DPYD: variants seen among roughly 807,000 people sequenced by gnomAD.
The protein encoded by DPYD is dihydropyrimidine dehydrogenase, also known as dihydropyrimidine dehydrogenase [NADP(+)].
A neutral mutation model predicts 116.2 loss-of-function variants in DPYD; 109 were observed. The ratio of observed to expected loss-of-function variants is 0.94; its 90% CI spans 0.80 to 1.10. DPYD has a LOEUF of 1.10. DPYD is among the 50% of genes least tolerant of loss of function. The pLI, the probability that DPYD is intolerant of heterozygous loss-of-function variation, is 0.00. For missense variants in DPYD, 1,302 were observed against 1,254.5 expected (o/e 1.04, Z -0.57); for synonymous variants, 440 against 432.0 (o/e 1.02, Z -0.23).
intron 4 of DPYD, among the ~76,000 whole-genome samples, chr1:97,734,116 A>G (rs866665815): frequency 6.1e-4 from 93 of 152,082 alleles, no homozygotes; most frequent in African/African-American, 1.7e-3. Flanking sequence ...TATTTTTAAA[A>G]TGCAGGTAGT....
intron 8 of DPYD, among the ~76,000 whole-genome samples, chr1:97,634,373 G>A (rs914862957): frequency 6.6e-6 from 1 of 151,990 alleles, no homozygotes; most frequent in Non-Finnish European, 1.5e-5. Flanking sequence ...TTTGAAATAA[G>A]TATGTCAATG....
rs780583368 is a variant in DPYD at position 97,588,368 on chromosome 1, TGCTATTAAAA to T, written c.1128+4840_1128+4849del. 8.0e-4 allele frequency among the ~76,000 whole-genome samples: 121 copies of T among 152,156 alleles called. 2 individuals carry two copies. Among genetic ancestry groups the T allele is most frequent in the Middle Eastern group, 3.2e-3 (1 of 316 alleles). On this transcript the variant is annotated intron_variant, in intron 10 of 22. Coordinates refer to ENST00000370192, the MANE Select transcript of DPYD (RefSeq NM_000110.4). ...GAAATATACTTTGTGTGTGGGATTG[TGCTATTAAAA>T]GTAAATTTGAAACCATCCTCTTCTC...
At chr1:97,726,094 A>C (rs1000236641) in intron 4 of DPYD, among the ~76,000 whole-genome samples, 1 of 151,624 alleles carries the variant, frequency 6.6e-6, no homozygotes, top group Admixed American at 6.6e-5. Flanking sequence ...ATACAAAACT[A>C]GGCAATGACC....
intron 19 of DPYD, among the ~76,000 whole-genome samples, chr1:97,221,172 C>G (rs559473263): frequency 2.6e-5 from 4 of 152,176 alleles, no homozygotes; most frequent in African/African-American, 9.7e-5. Context: ...AAACTACTCA[C>G]AGATAGAGCT....
In DPYD at chr1:97,323,507, C is replaced by T. The variant is rs1482184099; in HGVS notation, c.2059-17210G>A. 5.1e-4 allele frequency among the ~76,000 whole-genome samples: 25 copies of T among 49,360 alleles called. 1 individual carries two copies. The highest frequency in any genetic ancestry group is 1.1e-3 in the African/African-American group (25 of 21,968). 32.4% of individuals were successfully genotyped at this position (49,360 alleles called of 152,430 possible). On this transcript the variant is annotated intron_variant, in intron 16 of 22. Coordinates refer to ENST00000370192, the MANE Select transcript of DPYD (RefSeq NM_000110.4). Reference sequence around the variant, plus strand: ...CACGTATATATACATATCATATGTACATATGTGTATATATACACATATATA... The same window carrying T: ...CACGTATATATACATATCATATGTATATATGTGTATATATACACATATATA...
chr1:97,242,687 G>A (rs989129054), intron 18 of DPYD, among the ~76,000 whole-genome samples: 24 of 151,484 alleles, frequency 1.6e-4, no homozygotes, highest in African/African-American at 5.6e-4. Context: ...TTCACCTTAC[G>A]AGAATAAGCA....
At chr1:97,160,603 G>T (rs1412989521) in intron 20 of DPYD, among the ~76,000 whole-genome samples, 1 of 152,010 alleles carries the variant, frequency 6.6e-6, no homozygotes, top group Non-Finnish European at 1.5e-5. Flanking sequence ...AGTTCCCAGG[G>T]TTTAAAATCA....
intron 20 of DPYD, among the ~76,000 whole-genome samples, chr1:97,121,604 T>C (rs1207218727): frequency 6.6e-6 from 1 of 152,160 alleles, no homozygotes; most frequent in Non-Finnish European, 1.5e-5. Flanking sequence ...GGTTGATGCA[T>C]GTAACAACTC....
At chr1:97,328,870 C>T (rs940315360) in intron 16 of DPYD, among the ~76,000 whole-genome samples, 2 of 152,060 alleles carry the variant, frequency 1.3e-5, no homozygotes, top group African/African-American at 4.8e-5. Context: ...GATTATGTTG[C>T]AATCAATTAT....
chr1:97,835,353 T>C (rs964298538), intron 2 of DPYD, among the ~76,000 whole-genome samples: 1 of 152,082 alleles, frequency 6.6e-6, no homozygotes, highest in Non-Finnish European at 1.5e-5. Flanking sequence ...AATAAAAACA[T>C]GTATGTGAAA....
At chr1:97,617,914 A>G (rs1399331203) in intron 8 of DPYD, among the ~76,000 whole-genome samples, 1 of 152,202 alleles carries the variant, frequency 6.6e-6, no homozygotes, top group Non-Finnish European at 1.5e-5. Context: ...AAAGAAGGAA[A>G]AAGTCTCAAG....
At chr1:97,678,033 G>A (rs1354249250) in intron 8 of DPYD, among the ~76,000 whole-genome samples, 1 of 152,148 alleles carries the variant, frequency 6.6e-6, no homozygotes, top group Non-Finnish European at 1.5e-5. Context: ...TAACACAGTG[G>A]TCCCCAACCT....
chr1:97,825,274 G>A (rs1013684774), intron 3 of DPYD, among the ~76,000 whole-genome samples: 1 of 152,100 alleles, frequency 6.6e-6, no homozygotes, highest in African/African-American at 2.4e-5. Flanking sequence ...TGGCCAGAAA[G>A]AGAGACTGGA....
intron 3 of DPYD, among the ~76,000 whole-genome samples, chr1:97,816,316 A>G (rs1420372812): frequency 6.6e-6 from 1 of 152,126 alleles, no homozygotes; most frequent in Admixed American, 6.6e-5. Context: ...AAAACAAAAA[A>G]CCCTCTTTGT....
intron 20 of DPYD, among the ~76,000 whole-genome samples, chr1:97,136,429 A>T (rs1006961997): frequency 6.6e-6 from 1 of 151,984 alleles, no homozygotes; most frequent in Non-Finnish European, 1.5e-5. Flanking sequence ...ATTCAGTGGC[A>T]CTCTCCTACA....
intron 14 of DPYD, among the ~76,000 whole-genome samples, chr1:97,398,505 C>T (rs1447574627): frequency 6.6e-6 from 1 of 151,662 alleles, no homozygotes; most frequent in Non-Finnish European, 1.5e-5. Context: ...AGTTCTAGAT[C>T]CCTGAGGAAT....
intron 18 of DPYD, among the ~76,000 whole-genome samples, chr1:97,243,063 A>C (rs1277819822): frequency 6.6e-6 from 1 of 151,888 alleles, no homozygotes; most frequent in Non-Finnish European, 1.5e-5. Context: ...AGCAGCTACA[A>C]TGGAACTTCC....
At chr1:97,110,505 C>A (rs1029138878) in intron 20 of DPYD, among the ~76,000 whole-genome samples, 1 of 152,110 alleles carries the variant, frequency 6.6e-6, no homozygotes, top group Non-Finnish European at 1.5e-5. Context: ...AATTCACCCT[C>A]ATTTTTACAT....
rs1663857634 is a variant in DPYD, at chr1:97,735,243, T to TTGTGTTGTCAC, written c.321+5148_321+5149insGTGACAACACA. ...CACAAATGACAGAGTAAAAAAATAA[T>TTGTGTTGTCAC]AATAAAAATTCAATGAACATACAAG... On this transcript the variant is annotated intron_variant, in intron 4 of 22. Coordinates refer to ENST00000370192, the MANE Select transcript of DPYD (RefSeq NM_000110.4). Among the ~76,000 whole-genome samples, 4 of 151,954 alleles carry TTGTGTTGTCAC rather than the reference T, an allele frequency of 2.6e-5. No individual in the cohort carries two copies. The South Asian group carries it at 8.3e-4, about 32-fold the overall frequency.
Sources: allele counts gnomAD v4.1 joint callset (sites outside exome capture counted in the v4.1 genomes callset), GRCh38; gene constraint gnomAD v4.1.1; transcripts MANE v1.5; gene names NCBI Gene and HGNC (gene_info 2026-07-23, HGNC 2026-07-21).